Variants in RIOX1 observed in about 807,000 individuals in gnomAD.
RIOX1 encodes the protein 60S ribosomal protein L8 histidine hydroxylase.
In RIOX1, 33 loss-of-function variants were observed where a neutral mutation model predicts 44.6. The ratio of observed to expected loss-of-function variants is 0.74; its 90% CI spans 0.56 to 0.99. The LOEUF (loss-of-function observed/expected upper bound fraction) is 0.99. Among genes scored for constraint, RIOX1 ranks in the 50% least tolerant of loss-of-function variants. RIOX1 has a pLI of 0.00. For missense variants in RIOX1, 821 were observed against 871.7 expected (o/e 0.94, Z 0.73); for synonymous variants, 387 against 395.8 (o/e 0.98, Z 0.26).
Position 73,492,892 on chromosome 14 carries a change from G to A in RIOX1, c.1875G>A (p.Thr625=), listed in dbSNP as rs3742846. Residue 625 remains threonine (T), a synonymous_variant, in exon 1 of 1, where the codon ACG becomes ACA. Transcript: ENST00000304061. This position sits in a 1 kb window ranked among gnomAD's most constrained non-coding sequence, Gnocchi z 4.9. ...AGGACCAGCTGTCCTTGGCAACCAC[G>A]TTGTATGATAAGGGGCTGCTGCTCA... ...SVEDQLSLAT[T]LYDKGLLLTK... The A allele has an allele frequency of 3.1e-6, 5 of 1,613,630 alleles. No individual in the cohort carries two copies. The Admixed American group carries it at 8.3e-5, about 27-fold the overall frequency.
rs546566336 is a variant in RIOX1, at chr14:73,491,501, G to A, written c.484G>A (p.Gly162Arg). 5.2e-5 allele frequency: 78 copies of A among 1,511,956 alleles called. No homozygotes were observed. The highest frequency in any genetic ancestry group is 5.4e-5 in the Non-Finnish European group (61 of 1,135,804). The allele number at this position is 1,511,956 out of a possible 1,614,324, so 93.7% of individuals were successfully genotyped here. The change falls in exon 1 of 1, where the codon GGG becomes AGG. Residue 162 changes from glycine to arginine, a missense_variant. Around this residue, in one of 2 missense-constraint regions of RIOX1, gnomAD observed 554 missense variants for 531.2 expected, o/e 1.04. Coordinates refer to ENST00000304061, the MANE Select transcript of RIOX1 (RefSeq NM_024644.5). Reference protein sequence around the residue: ...AQHLAAVQSSGAPATASGPQV... With the variant: ...AQHLAAVQSSRAPATASGPQV... Reference sequence around the variant, plus strand: ...ACACTTAGCGGCCGTCCAGTCGTCCGGGGCCCCTGCGACGGCGTCGGGGCC... The same window carrying A: ...ACACTTAGCGGCCGTCCAGTCGTCCAGGGCCCCTGCGACGGCGTCGGGGCC...
At position 73,490,976 on chromosome 14, in the gene RIOX1, GC is replaced by G. The variant is rs1885671533; in HGVS notation, c.-37del. The G allele has an allele frequency of 3.0e-6, 4 of 1,316,452 alleles. No individual in the cohort carries two copies. Among genetic ancestry groups the G allele is most frequent in the Non-Finnish European group, 2.9e-6 (3 of 1,026,924 alleles). The allele number at this position is 1,316,452 out of a possible 1,614,324, so 81.5% of individuals were successfully genotyped here. ...TGCATTCAGGAACCGCTTTAGCTTCGCCCCCGGCCGGCCGGGCGGGGAAGAC... is the reference window on the plus strand; with the variant it reads ...TGCATTCAGGAACCGCTTTAGCTTCGCCCCGGCCGGCCGGGCGGGGAAGAC... On this transcript the variant is annotated 5_prime_UTR_variant, in exon 1 of 1. Transcript: ENST00000304061.
rs1249869612 is a variant in RIOX1, at chr14:73,491,403, C to T, written c.386C>T (p.Pro129Leu). Residue 129 changes from proline (P) to leucine (L), a missense_variant, in exon 1 of 1, where the codon CCC (proline) becomes CTC (leucine). Around this residue, in one of 2 missense-constraint regions of RIOX1, gnomAD observed 554 missense variants for 531.2 expected, o/e 1.04. Transcript: ENST00000304061. ...SARLVPASAP[P>L]ARLVEVPAAP... ...CGCCTGGTGCCCGCTTCCGCGCCGCCCGCGCGCCTGGTGGAGGTGCCCGCC... is the reference window on the plus strand; with the variant it reads ...CGCCTGGTGCCCGCTTCCGCGCCGCTCGCGCGCCTGGTGGAGGTGCCCGCC... The T allele has an allele frequency of 7.4e-7, 1 of 1,346,696 alleles. No individual in the cohort carries two copies. The highest frequency in any genetic ancestry group is 9.5e-7 in the Non-Finnish European group (1 of 1,058,018). The allele number at this position is 1,346,696 out of a possible 1,614,324, so 83.4% of individuals were successfully genotyped here. A position where few individuals can be genotyped will look rare whatever the true frequency, so the allele number is the denominator to read the frequency against.
At position 73,491,336 on chromosome 14, in the gene RIOX1, G is replaced by A; in HGVS notation, c.319G>A (p.Glu107Lys). The A allele has an allele frequency of 6.8e-7, 1 of 1,463,264 alleles. No homozygotes were observed. The highest frequency in any genetic ancestry group is 9.0e-7 in the Non-Finnish European group (1 of 1,109,092). 90.6% of individuals were successfully genotyped at this position (1,463,264 alleles called of 1,614,324 possible). ...YGHLGPAELL[E>K]ASPAARSLQT... ...CCACCTGGGGCCCGCAGAGCTGCTGGAGGCCTCGCCCGCCGCGCGCTCCCT... is the reference window on the plus strand; with the variant it reads ...CCACCTGGGGCCCGCAGAGCTGCTGAAGGCCTCGCCCGCCGCGCGCTCCCT... Residue 107 changes from glutamate to lysine, a missense_variant, in exon 1 of 1, where the codon GAG (glutamate) becomes AAG (lysine). Around this residue, in one of 2 missense-constraint regions of RIOX1, gnomAD observed 554 missense variants for 531.2 expected, o/e 1.04. Transcript: ENST00000304061.
Position 73,493,213 on chromosome 14 carries a change from G to C in RIOX1, c.*270G>C, listed in dbSNP as rs1356453098. 1 of 1,056,628 alleles carries C rather than the reference G, an allele frequency of 9.5e-7. No individual in the cohort carries two copies. Among genetic ancestry groups the C allele is most frequent in the Non-Finnish European group, 1.5e-6 (1 of 679,862 alleles). 65.5% of individuals were successfully genotyped at this position (1,056,628 alleles called of 1,614,324 possible). ...CAGAGCACCAACTTCATCACCTTCA[G>C]GCTTCAGTGTACTGGGTAACACTGA... On this transcript the variant is annotated 3_prime_UTR_variant, in exon 1 of 1. Coordinates refer to ENST00000304061, the MANE Select transcript of RIOX1 (RefSeq NM_024644.5).
In RIOX1 at chr14:73,491,048, T is replaced by C. The variant is rs763287247; in HGVS notation, c.31T>C (p.Leu11=). ...TGGGCTCCAGGCCAGTGCAGGGCCG[T>C]TGAGGCGCGGGCGGCCGAAGCGCCG... MDGLQASAGP[L]RRGRPKRRRK... The change falls in exon 1 of 1, where the codon TTG becomes CTG. Residue 11 remains leucine (L), a synonymous_variant. Coordinates refer to ENST00000304061, the MANE Select transcript of RIOX1 (RefSeq NM_024644.5). 1 of 1,588,646 alleles carries C rather than the reference T, an allele frequency of 6.3e-7. No homozygotes were observed. The highest frequency in any genetic ancestry group is 1.1e-5 in the South Asian group (1 of 87,514).
Position 73,491,410 on chromosome 14 carries a change from C to T in RIOX1, c.393C>T (p.Arg131=), listed in dbSNP as rs762581343. 3.7e-6 allele frequency: 5 copies of T among 1,346,332 alleles called. No homozygotes were observed. The South Asian group carries it at 5.9e-5, about 16-fold the overall frequency. 83.4% of individuals were successfully genotyped at this position (1,346,332 alleles called of 1,614,324 possible). A position where few individuals can be genotyped will look rare whatever the true frequency, so the allele number is the denominator to read the frequency against. Residue 131 remains arginine, a synonymous_variant, in exon 1 of 1, where the codon CGC becomes CGT. Transcript: ENST00000304061. ...RLVPASAPPA[R]LVEVPAAPVR... is the part of the protein sequence containing the mutation. ...TGCCCGCTTCCGCGCCGCCCGCGCG[C>T]CTGGTGGAGGTGCCCGCCGCGCCGG...
Position 73,491,199 on chromosome 14 carries a change from A to T in RIOX1, c.182A>T (p.Glu61Val). ...AALRTQTLPS[E>V]NSEESRVEST... ...CTGAGGACGCAGACGCTGCCTAGCG[A>T]GAACTCGGAGGAATCGAGGGTGGAG... is the stretch of plus-strand genomic sequence containing the variant. The change falls in exon 1 of 1, where the codon GAG (glutamate) becomes GTG (valine). Residue 61 changes from glutamate (E) to valine (V), a missense_variant. Around this residue, in one of 2 missense-constraint regions of RIOX1, gnomAD observed 554 missense variants for 531.2 expected, o/e 1.04. Transcript: ENST00000304061. 6.3e-7 allele frequency: 1 copy of T among 1,596,236 alleles called. No homozygotes were observed. The highest frequency in any genetic ancestry group is 8.5e-7 in the Non-Finnish European group (1 of 1,170,728).
chr14:73,490,980 C>T lies in RIOX1; in HGVS notation c.-38C>T, dbSNP rs572791022. 1 of 1,321,236 alleles carries T rather than the reference C, an allele frequency of 7.6e-7. No individual in the cohort carries two copies. Among genetic ancestry groups the T allele is most frequent in the East Asian group, 3.0e-5 (1 of 32,870 alleles). The allele number at this position is 1,321,236 out of a possible 1,614,324, so 81.8% of individuals were successfully genotyped here. The stretch of plus-strand genomic sequence containing the variant: ...TTCAGGAACCGCTTTAGCTTCGCCC[C>T]CGGCCGGCCGGGCGGGGAAGACTGG... On this transcript the variant is annotated 5_prime_UTR_variant, in exon 1 of 1. Coordinates refer to ENST00000304061, the MANE Select transcript of RIOX1 (RefSeq NM_024644.5).
Position 73,491,891 on chromosome 14 carries a change from G to C in RIOX1, c.874G>C (p.Ala292Pro). The C allele has an allele frequency of 6.2e-7, 1 of 1,611,708 alleles. No homozygotes were observed. The highest frequency in any genetic ancestry group is 8.5e-7 in the Non-Finnish European group (1 of 1,179,170). ...CGCCGCCGCGTGGTCCCTGTACCAG[G>C]CCGGCTGCTCCCTGCGTCTCCTCTG... ...LPAAAWSLYQ[A>P]GCSLRLLCPQ... The change falls in exon 1 of 1, where the codon GCC (alanine) becomes CCC (proline). Residue 292 changes from alanine to proline, a missense_variant. By Grantham distance (27) the Ala-to-Pro change is conservative (BLOSUM62 -1). Coordinates refer to ENST00000304061, the MANE Select transcript of RIOX1 (RefSeq NM_024644.5).
In RIOX1 at chr14:73,492,834, T is replaced by C. The variant is rs1189203528; in HGVS notation, c.1817T>C (p.Val606Ala). 6.2e-7 allele frequency: 1 copy of C among 1,613,764 alleles called. No homozygotes were observed. The highest frequency in any genetic ancestry group is 8.5e-7 in the Non-Finnish European group (1 of 1,179,880). The change falls in exon 1 of 1, where the codon GTG becomes GCG. Residue 606 changes from valine to alanine, a missense_variant. Transcript: ENST00000304061. The surrounding 1 kb of genome is among the most constrained non-coding windows in gnomAD (Gnocchi z 4.9). Reference sequence around the variant, plus strand: ...TTGCTTGGTTCTTATCCAGAGTTTGTGAGAGTGGGGGACCTGCCCTGTGAC... The same window carrying C: ...TTGCTTGGTTCTTATCCAGAGTTTGCGAGAGTGGGGGACCTGCCCTGTGAC... ...ELLLGSYPEF[V>A]RVGDLPCDSV... is the part of the protein sequence containing the mutation.
rs199545926 is a variant in RIOX1 at position 73,492,035 on chromosome 14, C to G, written c.1018C>G (p.His340Asp). Reference sequence around the variant, plus strand: ...CCCTAACTCGCAGGGCTTTGCCCCCCACTACGACGACATCGAGGCCTTCGT... The same window carrying G: ...CCCTAACTCGCAGGGCTTTGCCCCCGACTACGACGACATCGAGGCCTTCGT... ...TPPNSQGFAP[H>D]YDDIEAFVLQ... The change falls in exon 1 of 1, where the codon CAC (histidine) becomes GAC (aspartate). Residue 340 changes from histidine (H) to aspartate (D), a missense_variant. Around this residue, in one of 2 missense-constraint regions of RIOX1, gnomAD observed 554 missense variants for 531.2 expected, o/e 1.04. Coordinates refer to ENST00000304061, the MANE Select transcript of RIOX1 (RefSeq NM_024644.5). This position sits in a 1 kb window ranked among gnomAD's most constrained non-coding sequence, Gnocchi z 4.9. 6.2e-7 allele frequency: 1 copy of G among 1,614,026 alleles called. No individual in the cohort carries two copies. Among genetic ancestry groups the G allele is most frequent in the Non-Finnish European group, 8.5e-7 (1 of 1,179,896 alleles).
Position 73,492,777 on chromosome 14 carries a change from T to C in RIOX1, c.1760T>C (p.Ile587Thr). ...YHLEEPKCLE[I>T]YPQQADAMEL... The stretch of plus-strand genomic sequence containing the variant: ...CTGGAAGAACCCAAGTGCTTGGAAA[T>C]ATACCCCCAGCAAGCTGATGCCATG... Residue 587 changes from isoleucine (I) to threonine (T), a missense_variant, in exon 1 of 1, where the codon ATA becomes ACA. Coordinates refer to ENST00000304061, the MANE Select transcript of RIOX1 (RefSeq NM_024644.5). The surrounding 1 kb of genome is among the most constrained non-coding windows in gnomAD (Gnocchi z 4.9). The C allele has an allele frequency of 6.2e-7, 1 of 1,613,914 alleles. No individual in the cohort carries two copies. Among genetic ancestry groups the C allele is most frequent in the Non-Finnish European group, 8.5e-7 (1 of 1,179,868 alleles).
At position 73,493,293 on chromosome 14, in the gene RIOX1, C is replaced by A. The variant is rs539549129; in HGVS notation, c.*350C>A. 2.8e-3 allele frequency: 1,634 copies of A among 589,638 alleles called. 1 individual carries two copies. Among genetic ancestry groups the A allele is most frequent in the Non-Finnish European group, 3.9e-3 (1,273 of 328,034 alleles). 36.5% of individuals were successfully genotyped at this position (589,638 alleles called of 1,614,324 possible). A position where few individuals can be genotyped will look rare whatever the true frequency, so the allele number is the denominator to read the frequency against. ...GATTTTTTTTGGAATTTGGATCTTT[C>A]ATCTGAGTTCTTTTTCATGGGCGGG... On this transcript the variant is annotated 3_prime_UTR_variant, in exon 1 of 1. Transcript: ENST00000304061.
At position 73,492,583 on chromosome 14, in the gene RIOX1, TG is replaced by T; in HGVS notation, c.1567del (p.Val523PhefsTer14). ...VLTDRERALS[V>X]YGLPIRWEAG... ...TGACTGATAGGGAGAGGGCACTAAG[TG>T]TTTACGGGCTTCCAATTCGCTGGGA... On this transcript the variant is annotated frameshift_variant, in exon 1 of 1. Coordinates refer to ENST00000304061, the MANE Select transcript of RIOX1 (RefSeq NM_024644.5). LOFTEE classifies it high-confidence loss of function. This position sits in a 1 kb window ranked among gnomAD's most constrained non-coding sequence, Gnocchi z 4.9. 1 of 1,613,906 alleles carries T rather than the reference TG, an allele frequency of 6.2e-7. No individual in the cohort carries two copies. Among genetic ancestry groups the T allele is most frequent in the Non-Finnish European group, 8.5e-7 (1 of 1,179,854 alleles).
At position 73,491,466 on chromosome 14, in the gene RIOX1, G is replaced by A. The variant is rs1044423005; in HGVS notation, c.449G>A (p.Cys150Tyr). ...VRVVETSALLCTAQHLAAVQS... is the reference protein window; with the variant it reads ...VRVVETSALLYTAQHLAAVQS... ...GTGGTGGAGACCTCGGCCCTGCTGT[G>A]CACCGCGCAACACTTAGCGGCCGTC... Residue 150 changes from cysteine (C) to tyrosine (Y), a missense_variant, in exon 1 of 1, where the codon TGC (cysteine) becomes TAC (tyrosine). Cys to Tyr is a radical substitution (Grantham distance 194, BLOSUM62 -2). Coordinates refer to ENST00000304061, the MANE Select transcript of RIOX1 (RefSeq NM_024644.5). The A allele has an allele frequency of 3.4e-6, 5 of 1,480,792 alleles. No individual in the cohort carries two copies. The highest frequency in any genetic ancestry group is 1.4e-5 in the African/African-American group (1 of 70,470). The allele number at this position is 1,480,792 out of a possible 1,614,324, so 91.7% of individuals were successfully genotyped here.
chr14:73,491,141 C>A lies in RIOX1; in HGVS notation c.124C>A (p.Gln42Lys). The A allele has an allele frequency of 6.2e-7, 1 of 1,607,972 alleles. No homozygotes were observed. Among genetic ancestry groups the A allele is most frequent in the Non-Finnish European group, 8.5e-7 (1 of 1,177,268 alleles). ...CTTGAGGTCCAGGAAGATACGAAAG[C>A]AGCTGCGAAGTGTTGTATCCCGCAT... ...LPLRSRKIRK[Q>K]LRSVVSRMAA... The change falls in exon 1 of 1, where the codon CAG becomes AAG. Residue 42 changes from glutamine to lysine, a missense_variant. Transcript: ENST00000304061.
In RIOX1 at chr14:73,492,019, G is replaced by C. The variant is rs201606461; in HGVS notation, c.1002G>C (p.Ser334=). The C allele has an allele frequency of 1.9e-6, 3 of 1,613,794 alleles. No homozygotes were observed. The Admixed American group carries it at 5.0e-5, about 27-fold the overall frequency. ...GSNVYLTPPN[S]QGFAPHYDDI... is the part of the protein sequence containing the mutation. ...ACGTTTACCTCACGCCCCCTAACTC[G>C]CAGGGCTTTGCCCCCCACTACGACG... Residue 334 remains serine, a synonymous_variant, in exon 1 of 1, where the codon TCG becomes TCC. Transcript: ENST00000304061. The surrounding 1 kb of genome is among the most constrained non-coding windows in gnomAD (Gnocchi z 4.9).
At position 73,491,181 on chromosome 14, in the gene RIOX1, C is replaced by T; in HGVS notation, c.164C>T (p.Thr55Met). ...GTATCCCGCATGGCAGCGCTGAGGACGCAGACGCTGCCTAGCGAGAACTCG... is the reference window on the plus strand; with the variant it reads ...GTATCCCGCATGGCAGCGCTGAGGATGCAGACGCTGCCTAGCGAGAACTCG... Reference protein sequence around the residue: ...SVVSRMAALRTQTLPSENSEE... With the variant: ...SVVSRMAALRMQTLPSENSEE... The change falls in exon 1 of 1, where the codon ACG becomes ATG. Residue 55 changes from threonine (T) to methionine (M), a missense_variant. By Grantham distance (81) the Thr-to-Met change is moderately conservative (BLOSUM62 -1). This residue lies in a region of RIOX1 where 554 missense variants were observed against 531.2 expected (regional missense o/e 1.04). Transcript: ENST00000304061. The T allele has an allele frequency of 2.5e-6, 4 of 1,598,976 alleles. No individual in the cohort carries two copies. Among genetic ancestry groups the T allele is most frequent in the Middle Eastern group, 1.7e-4 (1 of 6,038 alleles).
Sources: gnomAD v4.1 joint callset for allele counts on GRCh38, gnomAD v4.1.1 for gene constraint, gnomAD v4.1.1 regional missense constraint, Gnocchi (gnomAD v3.1) non-coding constraint, MANE v1.5 for transcripts, NCBI Gene and HGNC (gene_info 2026-07-23, HGNC 2026-07-21) for gene names.